KCNJ6: variants seen among roughly 807,000 people sequenced by gnomAD.
KCNJ6 encodes the protein potassium inwardly rectifying channel subfamily J member 6.
In KCNJ6, 9 loss-of-function variants were observed where a neutral mutation model predicts 34.2. The ratio of observed to expected loss-of-function variants is 0.26; its 90% confidence interval spans 0.16 to 0.46. The LOEUF (loss-of-function observed/expected upper bound fraction) is 0.46, where lower values mean the gene tolerates loss of function less well. KCNJ6 is among the 20% of genes least tolerant of loss of function. The probability of loss-of-function intolerance (pLI) is 1.00; values close to 1 mark genes in which losing one functional copy is unlikely to be tolerated. For synonymous variants in KCNJ6, 196 were observed against 207.1 expected, an observed-to-expected ratio of 0.95 and a Z score of 0.46; for missense variants, 236 against 531.3, an observed-to-expected ratio of 0.44 and a Z score of 5.46.
chr21:37,756,148 C>T (rs902176549), intron 2 of KCNJ6, among the ~76,000 whole-genome samples: 8 of 152,190 alleles, frequency 5.3e-5, no homozygotes, highest in Non-Finnish European at 7.3e-5. Flanking sequence ...TTTCCCTGCC[C>T]GCCAAGCTCC....
At chr21:37,641,247 T>A (rs2054379546) in intron 3 of KCNJ6, among the ~76,000 whole-genome samples, 1 of 152,208 alleles carries the variant, frequency 6.6e-6, no homozygotes, top group South Asian at 2.1e-4. Context: ...TTTGGCTATA[T>A]GTCTAATAAA....
chr21:37,839,395 G>A (rs1278837620), intron 2 of KCNJ6, among the ~76,000 whole-genome samples: 2 of 152,066 alleles, frequency 1.3e-5, no homozygotes. Context: ...AGAGGTTTGG[G>A]GTCAGGAATG....
chr21:37,645,903 CG>C (rs10715630), intron 3 of KCNJ6, among the ~76,000 whole-genome samples: 152,268 of 152,276 alleles, frequency 1, 76,130 homozygotes, highest in Middle Eastern at 1. Context: ...CTCACTTCTT[CG>C]GACTTAACAG....
chr21:37,649,024 C>A (rs953025804), intron 3 of KCNJ6, among the ~76,000 whole-genome samples: 5 of 40,152 alleles, frequency 1.2e-4, no homozygotes, highest in Admixed American at 7.5e-4. Context: ...CCCAACTACT[C>A]GGGAGGCTGA....
At chr21:37,755,104 T>C (rs1453666112) in intron 2 of KCNJ6, among the ~76,000 whole-genome samples, 1 of 152,182 alleles carries the variant, frequency 6.6e-6, no homozygotes, top group Non-Finnish European at 1.5e-5. Flanking sequence ...GACCCAGTTC[T>C]AAATCTTAGA....
At position 37,620,771 on chromosome 21, in the gene KCNJ6, T is replaced by C. The variant is rs548531624; in HGVS notation, c.*4388A>G. On this transcript the variant is annotated 3_prime_UTR_variant, in exon 4 of 4. Transcript: ENST00000609713. ...AGATAATTTGTACAAGTGCTCTTAA[T>C]GCTCTCAAACACCACACCATGTTGG... 40 of 152,352 alleles carry C rather than the reference T, an allele frequency of 2.6e-4. No homozygotes were observed. In the East Asian group the frequency reaches 7.3e-3, roughly 28 times the overall value. The allele number at this position is 152,352 out of a possible 1,614,324, so 9.4% of individuals were successfully genotyped here.
At chr21:37,782,618 T>G (rs1202877942) in intron 2 of KCNJ6, among the ~76,000 whole-genome samples, 1 of 152,168 alleles carries the variant, frequency 6.6e-6, no homozygotes, top group Non-Finnish European at 1.5e-5. Flanking sequence ...GCCACCCTAT[T>G]CATTTTTGCC....
intron 1 of KCNJ6, among the ~76,000 whole-genome samples, chr21:37,879,002 G>A (rs551508911): frequency 6.6e-5 from 10 of 152,282 alleles, no homozygotes; most frequent in South Asian, 2.1e-4. Context: ...CATCATTCAC[G>A]CCTGCATATG....
chr21:37,657,247 C>T (rs1233177193), intron 3 of KCNJ6, among the ~76,000 whole-genome samples: 1 of 152,148 alleles, frequency 6.6e-6, no homozygotes, highest in Non-Finnish European at 1.5e-5. Context: ...CTCAGGGCTG[C>T]AGAGCTGGGG....
chr21:37,638,961 A>G (rs938508213), intron 3 of KCNJ6, among the ~76,000 whole-genome samples: 31 of 152,242 alleles, frequency 2.0e-4, no homozygotes, highest in Non-Finnish European at 2.9e-5. Flanking sequence ...GGAATTGCTT[A>G]TGCAAGACTC....
intron 3 of KCNJ6, among the ~76,000 whole-genome samples, chr21:37,663,964 C>T (rs893309965): frequency 5.9e-5 from 9 of 152,162 alleles, no homozygotes; most frequent in Non-Finnish European, 7.4e-5. Flanking sequence ...CCATGTACAA[C>T]GTTAGCAAGT....
intron 1 of KCNJ6, among the ~76,000 whole-genome samples, chr21:37,907,001 A>G (rs559695367): frequency 1.6e-4 from 24 of 152,246 alleles, no homozygotes; most frequent in African/African-American, 5.3e-4. Context: ...ATTTCTTGAG[A>G]GGAGGAATTA....
At chr21:37,751,680 C>T (rs574937293) in intron 2 of KCNJ6, among the ~76,000 whole-genome samples, 11 of 152,266 alleles carry the variant, frequency 7.2e-5, no homozygotes, top group African/African-American at 2.6e-4. Flanking sequence ...AAAAGTGATC[C>T]GGGCACTTTG....
In KCNJ6 at chr21:37,684,231, C is replaced by T. The variant is rs544913252; in HGVS notation, c.946+29980G>A. Among the ~76,000 whole-genome samples, 14 of 152,234 alleles carry T rather than the reference C, an allele frequency of 9.2e-5. No individual in the cohort carries two copies. The East Asian group carries it at 2.7e-3, about 29-fold the overall frequency. The stretch of plus-strand genomic sequence containing the variant: ...AAGGGAGGTCTGGTCCAGGCCTCTC[C>T]CCCGGGTTATGGTAGTTGCTGGCGA... On this transcript the variant is annotated intron_variant, in intron 3 of 3. Coordinates refer to ENST00000609713, the MANE Select transcript of KCNJ6 (RefSeq NM_002240.5).
chr21:37,840,130 T>C (rs1251188196), intron 2 of KCNJ6, among the ~76,000 whole-genome samples: 1 of 152,234 alleles, frequency 6.6e-6, no homozygotes, highest in Non-Finnish European at 1.5e-5. Flanking sequence ...TTGTGTATCC[T>C]GTTTATTTAG....
intron 1 of KCNJ6, among the ~76,000 whole-genome samples, chr21:37,853,846 G>GTGTATATATATATATATATATACA (rs71198897): frequency 0.066 from 7,668 of 115,894 alleles, 355 homozygotes; most frequent in Admixed American, 0.091. Context: ...ATATATATAT[G>GTGTATATATATATATATATATACA]TATATATATA....
chr21:37,884,276 C>T (rs1284495390), intron 1 of KCNJ6, among the ~76,000 whole-genome samples: 1 of 152,136 alleles, frequency 6.6e-6, no homozygotes, highest in Non-Finnish European at 1.5e-5. Flanking sequence ...ATGGCAGTGC[C>T]TTCTGCAGCT....
intron 2 of KCNJ6, among the ~76,000 whole-genome samples, chr21:37,747,249 G>GGGCCAGAAGGGGATTTGTGTCT (rs528275923): frequency 1.9e-3 from 277 of 147,060 alleles, no homozygotes; most frequent in Non-Finnish European, 3.5e-3. Flanking sequence ...CCTTTGGAGA[G>GGGCCAGAAGGGGATTTGTGTCT]GGCCAGAAGG....
chr21:37,882,041 G>A (rs1160369287), intron 1 of KCNJ6, among the ~76,000 whole-genome samples: 2 of 152,156 alleles, frequency 1.3e-5, no homozygotes, highest in Non-Finnish European at 1.5e-5. Flanking sequence ...TCCAAGCAGG[G>A]GCTGGCAGTT....
Sources: allele counts gnomAD v4.1 joint callset (sites outside exome capture counted in the v4.1 genomes callset), GRCh38; gene constraint gnomAD v4.1.1; transcripts MANE v1.5; gene names NCBI Gene and HGNC (gene_info 2026-07-23, HGNC 2026-07-21).